Variants in EHBP1 observed in about 807,000 individuals in gnomAD.
EHBP1 encodes the protein EH domain-binding protein 1.
In EHBP1, 55 loss-of-function variants were observed where a neutral mutation model predicts 144.0. That is an observed-to-expected ratio of 0.38 (90% CI 0.31 to 0.48). The LOEUF is 0.48. Ranked by LOEUF, EHBP1 falls within the 20% of genes least tolerant of loss-of-function variation. The pLI, the probability that EHBP1 is intolerant of heterozygous loss-of-function variation, is 0.98. For synonymous variants in EHBP1, 469 were observed against 472.7 expected, an observed-to-expected ratio of 0.99 and a Z score of 0.10; for missense variants, 1,200 against 1,364.2, an observed-to-expected ratio of 0.88 and a Z score of 1.90.
At chr2:62,789,893 T>C (rs937917825) in intron 5 of EHBP1, among the ~76,000 whole-genome samples, 4 of 152,222 alleles carry the variant, frequency 2.6e-5, no homozygotes, top group Non-Finnish European at 5.9e-5. Context: ...GAAAAACCCC[T>C]TTCTGATGCC....
intron 2 of EHBP1, among the ~76,000 whole-genome samples, chr2:62,722,918 A>G (rs1349547235): frequency 2.0e-5 from 3 of 152,192 alleles, no homozygotes; most frequent in Non-Finnish European, 4.4e-5. Context: ...GAGGTATTTT[A>G]TGTCCAATTA....
At chr2:63,020,980 ATTTTTTT>A (rs761382729) in intron 19 of EHBP1, among the ~76,000 whole-genome samples, 3 of 68,572 alleles carry the variant, frequency 4.4e-5, no homozygotes, top group African/African-American at 6.1e-5. Flanking sequence ...GCCTGGCCTC[ATTTTTTT>A]TTTTTTTTTT....
At chr2:62,920,478 G>T (rs1476084026) in intron 10 of EHBP1, among the ~76,000 whole-genome samples, 3 of 152,100 alleles carry the variant, frequency 2.0e-5, no homozygotes, top group Non-Finnish European at 4.4e-5. Context: ...AGTGCTAAAT[G>T]GAATCCTAAA....
At position 62,755,415 on chromosome 2, in the gene EHBP1, T is replaced by G. The variant is rs895448522; in HGVS notation, c.162+7963T>G. ...TCTTCCTGTGTTGATGAACATTTGT[T>G]TTTTTTTTCCAGTTTTTTACTCTTG... On this transcript the variant is annotated intron_variant, in intron 3 of 22. Coordinates refer to ENST00000431489, the MANE Select transcript of EHBP1 (RefSeq NM_001142616.3). Among the ~76,000 whole-genome samples the G allele has an allele frequency of 9.2e-5, 14 of 151,986 alleles. No individual in the cohort carries two copies. In the South Asian group the frequency reaches 2.7e-3, roughly 29 times the overall value.
chr2:62,793,263 C>G (rs1223780745), intron 5 of EHBP1, among the ~76,000 whole-genome samples: 2 of 152,036 alleles, frequency 1.3e-5, no homozygotes, highest in Admixed American at 6.6e-5. Context: ...ATTAACTAAA[C>G]ATATCCACAA....
chr2:62,809,961 A>G (rs866511996), intron 5 of EHBP1, among the ~76,000 whole-genome samples: 10 of 152,354 alleles, frequency 6.6e-5, no homozygotes, highest in South Asian at 2.1e-4. Context: ...AGGGACATAC[A>G]TGTTTAATAA....
At chr2:62,870,435 C>G (rs1340790420) in intron 9 of EHBP1, among the ~76,000 whole-genome samples, 1 of 151,982 alleles carries the variant, frequency 6.6e-6, no homozygotes, top group Non-Finnish European at 1.5e-5. Flanking sequence ...TTGAGACTAG[C>G]CAGGTGTGGT....
chr2:62,679,700 A>C lies in EHBP1; in HGVS notation c.-296+5617A>C, dbSNP rs2033442605. On this transcript the variant is annotated intron_variant, in intron 1 of 22. Transcript: ENST00000405015. ...ACAGACTCTTAGTATAAAGTCTAAA[A>C]GTTGGCAAAAAACATTTTTAAAAAA... Among the ~76,000 whole-genome samples, 4 of 152,230 alleles carry C rather than the reference A, an allele frequency of 2.6e-5. No individual in the cohort carries two copies. In the South Asian group the frequency reaches 8.3e-4, roughly 32 times the overall value.
intron 4 of EHBP1, among the ~76,000 whole-genome samples, chr2:62,768,677 A>G (rs2041388674): frequency 6.6e-6 from 1 of 152,204 alleles, no homozygotes; most frequent in African/African-American, 2.4e-5. Flanking sequence ...TGAGGTCAGC[A>G]TCATCCTAAT....
chr2:62,707,132 G>A lies in EHBP1; in HGVS notation c.-60G>A. On this transcript the variant is annotated 5_prime_UTR_variant, in exon 2 of 23. Coordinates refer to ENST00000431489, the MANE Select transcript of EHBP1 (RefSeq NM_001142616.3). ...AAAGTTCCTTTGCTTTGGACCCTCT[G>A]CATTATTAAAGCTGCTGTATTGCTA... 7.6e-7 allele frequency: 1 copy of A among 1,322,076 alleles called. No homozygotes were observed. The highest frequency in any genetic ancestry group is 1.4e-5 in the African/African-American group (1 of 69,362). The allele number at this position is 1,322,076 out of a possible 1,614,324, so 81.9% of individuals were successfully genotyped here.
At chr2:62,675,260 G>T (rs942678108) in intron 1 of EHBP1, among the ~76,000 whole-genome samples, 2 of 152,176 alleles carry the variant, frequency 1.3e-5, no homozygotes, top group Non-Finnish European at 2.9e-5. Context: ...CTCCAGATAA[G>T]GGTTAAAGCC....
chr2:63,025,554 G>T (rs145452093), intron 19 of EHBP1, among the ~76,000 whole-genome samples: 36 of 152,282 alleles, frequency 2.4e-4, no homozygotes, highest in African/African-American at 8.7e-4. Context: ...TGAGGCTCTG[G>T]CCCTTTTTAA....
At position 62,955,680 on chromosome 2, in the gene EHBP1, A is replaced by G; in HGVS notation, c.2460+20A>G. On this transcript the variant is annotated intron_variant, in intron 14 of 22. Transcript: ENST00000431489. ...AGTGATGTGAGGAGCATTGGTTAAA[A>G]AAGACCATAAGTTGTTCATTGTAAT... The G allele has an allele frequency of 1.3e-6, 2 of 1,594,170 alleles. No individual in the cohort carries two copies. Among genetic ancestry groups the G allele is most frequent in the Non-Finnish European group, 1.7e-6 (2 of 1,171,878 alleles).
intron 10 of EHBP1, among the ~76,000 whole-genome samples, chr2:62,914,765 T>C (rs568531815): frequency 6.6e-6 from 1 of 152,168 alleles, no homozygotes; most frequent in African/African-American, 2.4e-5. Flanking sequence ...TGCTATAAAT[T>C]ATACTTCAAT....
At chr2:63,034,019 A>G (rs2061366548) in intron 19 of EHBP1, among the ~76,000 whole-genome samples, 1 of 152,068 alleles carries the variant, frequency 6.6e-6, no homozygotes, top group Non-Finnish European at 1.5e-5. Context: ...AAAAGAAAAA[A>G]CTGACTTTAA....
intron 1 of EHBP1, among the ~76,000 whole-genome samples, chr2:62,693,946 G>GT (rs1222658079): frequency 1.3e-5 from 2 of 152,010 alleles, no homozygotes; most frequent in Non-Finnish European, 1.5e-5. Flanking sequence ...CAGTTTATCT[G>GT]TTTTTTTCTT....
At chr2:62,855,286 T>C (rs1177764854) in intron 7 of EHBP1, among the ~76,000 whole-genome samples, 2 of 152,194 alleles carry the variant, frequency 1.3e-5, no homozygotes, top group Non-Finnish European at 2.9e-5. Flanking sequence ...AGGGCAGTGC[T>C]GACACACCAG....
intron 2 of EHBP1, among the ~76,000 whole-genome samples, chr2:62,744,092 T>C (rs2038945858): frequency 6.6e-6 from 1 of 152,150 alleles, no homozygotes; most frequent in African/African-American, 2.4e-5. Flanking sequence ...AATTTTCCAA[T>C]GGAGCCCTTT....
intron 13 of EHBP1, among the ~76,000 whole-genome samples, chr2:62,951,971 G>C (rs936936607): frequency 6.6e-6 from 1 of 152,168 alleles, no homozygotes; most frequent in African/African-American, 2.4e-5. Flanking sequence ...TTAGTAGTGT[G>C]ACATGTTAAC....
Sources: allele counts gnomAD v4.1 joint callset (sites outside exome capture counted in the v4.1 genomes callset), GRCh38; gene constraint gnomAD v4.1.1; transcripts MANE v1.5; gene names NCBI Gene and HGNC (gene_info 2026-07-23, HGNC 2026-07-21).